The following SLC25A21 variants were observed in gnomAD, a reference collection of about 807,000 sequenced individuals.
SLC25A21 encodes mitochondrial 2-oxodicarboxylate carrier.
In SLC25A21, 47 loss-of-function variants were observed where a neutral mutation model predicts 43.8. The observed-to-expected ratio is 1.07, with a 90% CI of 0.85 to 1.37. The LOEUF (loss-of-function observed/expected upper bound fraction) is 1.37. Among genes scored for constraint, SLC25A21 ranks in the 40% most tolerant of loss-of-function variants. The pLI, the probability that SLC25A21 is intolerant of heterozygous loss-of-function variation, is 0.00. For synonymous variants in SLC25A21, 131 were observed against 121.3 expected (o/e 1.08, Z -0.52); for missense variants, 352 against 350.2 (o/e 1.00, Z -0.04).
intron 2 of SLC25A21, among the ~76,000 whole-genome samples, chr14:36,840,129 A>G (rs1410910188): frequency 6.6e-6 from 1 of 152,094 alleles, no homozygotes; most frequent in Non-Finnish European, 1.5e-5. Context: ...CACGGAACTA[A>G]CTCCCGGAGA....
intron 1 of SLC25A21, among the ~76,000 whole-genome samples, chr14:36,990,041 G>C (rs942699960): frequency 6.6e-6 from 1 of 152,178 alleles, no homozygotes; most frequent in African/African-American, 2.4e-5. Flanking sequence ...GGTTTCTAGA[G>C]AAAGGATGCT....
intron 5 of SLC25A21, among the ~76,000 whole-genome samples, chr14:36,728,131 C>A: frequency 6.6e-6 from 1 of 152,096 alleles, no homozygotes. Flanking sequence ...GTCTCCTAGG[C>A]TTTTCATGTG....
chr14:37,052,797 C>A (rs1961737739), intron 1 of SLC25A21, among the ~76,000 whole-genome samples: 1 of 152,034 alleles, frequency 6.6e-6, no homozygotes, highest in Non-Finnish European at 1.5e-5. Context: ...CTACACCATG[C>A]CAGGCTAATT....
chr14:36,989,206 T>C (rs920270470), intron 1 of SLC25A21, among the ~76,000 whole-genome samples: 1 of 152,186 alleles, frequency 6.6e-6, no homozygotes, highest in African/African-American at 2.4e-5. Context: ...AGTCTTTGTT[T>C]CCTCTCCTAC....
At chr14:36,780,743 TA>T (rs1887026477) in intron 3 of SLC25A21, among the ~76,000 whole-genome samples, 1 of 152,086 alleles carries the variant, frequency 6.6e-6, no homozygotes, top group South Asian at 2.1e-4. Context: ...TGTGGCATAA[TA>T]TATAATCTAT....
Position 36,678,445 on chromosome 14 carries a change from T to C in SLC25A21, c.*2213A>G. 15 of 1,487,432 alleles carry C rather than the reference T, an allele frequency of 1.0e-5. No individual in the cohort carries two copies. Among genetic ancestry groups the C allele is most frequent in the South Asian group, 2.4e-5 (2 of 83,076 alleles). 92.1% of individuals were successfully genotyped at this position (1,487,432 alleles called of 1,614,324 possible). ...AACTCTCAGGGCCATAGTCTTCCTT[T>C]GATCTTGTAAAACTTCCATTGACAT... On this transcript the variant is annotated 3_prime_UTR_variant, in exon 10 of 10. Transcript: ENST00000331299.
chr14:36,777,180 C>T (rs940490492), intron 3 of SLC25A21, among the ~76,000 whole-genome samples: 12 of 152,144 alleles, frequency 7.9e-5, no homozygotes, highest in African/African-American at 2.9e-4. Context: ...ATCGCTTGAA[C>T]TTGGGAGGCG....
intron 1 of SLC25A21, among the ~76,000 whole-genome samples, chr14:37,030,849 G>A (rs1014296285): frequency 6.6e-6 from 1 of 152,146 alleles, no homozygotes; most frequent in Non-Finnish European, 1.5e-5. Context: ...TTAGTCAAGG[G>A]TCTCTAAATT....
At chr14:36,960,325 G>T (rs10137084) in intron 1 of SLC25A21, among the ~76,000 whole-genome samples, 1 of 151,856 alleles carries the variant, frequency 6.6e-6, no homozygotes, top group African/African-American at 2.4e-5. Context: ...TAACAATGGC[G>T]AATATCTCAG....
chr14:36,783,500 TG>T (rs1231701836), intron 3 of SLC25A21, among the ~76,000 whole-genome samples: 1 of 151,970 alleles, frequency 6.6e-6, no homozygotes, highest in African/African-American at 2.4e-5. Flanking sequence ...AGTATTCTGG[TG>T]GGGGGCAAGA....
chr14:36,901,387 G>A (rs1006435478), intron 1 of SLC25A21, among the ~76,000 whole-genome samples: 5 of 152,066 alleles, frequency 3.3e-5, no homozygotes, highest in African/African-American at 7.2e-5. Context: ...TGGAATAAAG[G>A]CAATAATATT....
At chr14:36,832,003 A>G (rs1235264475) in intron 2 of SLC25A21, among the ~76,000 whole-genome samples, 1 of 152,194 alleles carries the variant, frequency 6.6e-6, no homozygotes, top group South Asian at 2.1e-4. Flanking sequence ...TGCTCAAGTC[A>G]TTTCCATGCA....
intron 1 of SLC25A21, among the ~76,000 whole-genome samples, chr14:37,032,317 C>T (rs143492469): frequency 0.063 from 9,511 of 151,980 alleles, 767 homozygotes; most frequent in East Asian, 0.26. Flanking sequence ...TGGTGGATCA[C>T]GAGGTCACGA....
chr14:36,813,679 G>A (rs545121610), intron 3 of SLC25A21, among the ~76,000 whole-genome samples: 1 of 152,268 alleles, frequency 6.6e-6, no homozygotes, highest in East Asian at 1.9e-4. Context: ...AACAGCCCTA[G>A]TGGCATAAAT....
At chr14:36,843,372 T>C (rs578083646) in intron 2 of SLC25A21, among the ~76,000 whole-genome samples, 1 of 152,272 alleles carries the variant, frequency 6.6e-6, no homozygotes, top group Admixed American at 6.5e-5. Context: ...CAGCTGACAA[T>C]TCAGGGGGAG....
At chr14:37,081,801 A>G in intron 1 of SLC25A21, among the ~76,000 whole-genome samples, 1 of 152,224 alleles carries the variant, frequency 6.6e-6, no homozygotes, top group Admixed American at 6.5e-5. Context: ...AAAGAATTAA[A>G]TCAACTCTGA....
intron 1 of SLC25A21, among the ~76,000 whole-genome samples, chr14:36,923,108 T>C (rs1892026943): frequency 6.6e-6 from 1 of 151,906 alleles, no homozygotes; most frequent in South Asian, 2.1e-4. Flanking sequence ...AATCATGTAT[T>C]TAAAAAGCTG....
intron 3 of SLC25A21, among the ~76,000 whole-genome samples, chr14:36,768,720 CATATT>C (rs1449214559): frequency 3.3e-5 from 5 of 152,030 alleles, no homozygotes. Flanking sequence ...CAATGGAAGT[CATATT>C]ATAAGGTTGT....
intron 1 of SLC25A21, among the ~76,000 whole-genome samples, chr14:36,881,160 T>G (rs976330516): frequency 6.6e-6 from 1 of 152,184 alleles, no homozygotes. Flanking sequence ...TCCCAAATTG[T>G]CTACCTTCTT....
Sources: gnomAD v4.1 joint callset for allele counts (sites outside exome capture counted in the v4.1 genomes callset) on GRCh38, gnomAD v4.1.1 for gene constraint, MANE v1.5 for transcripts, NCBI Gene and HGNC (gene_info 2026-07-23, HGNC 2026-07-21) for gene names.